The following RHBDL2 variants were observed in gnomAD, a reference collection of about 807,000 sequenced individuals.
RHBDL2 encodes rhomboid-related protein 2.
RHBDL2 carries 26 observed loss-of-function variants against 31.7 expected under a neutral mutation model. The ratio of observed to expected loss-of-function variants is 0.82; its 90% CI spans 0.60 to 1.14. RHBDL2 has a LOEUF of 1.14. Among genes scored for constraint, RHBDL2 ranks in the 50% most tolerant of loss-of-function variants. RHBDL2 has a pLI of 0.00. For synonymous variants in RHBDL2, 123 were observed against 127.2 expected (o/e 0.97, Z 0.22); for missense variants, 336 against 364.4 (o/e 0.92, Z 0.63).
At chr1:38,929,035 G>A (rs1306685454) in intron 1 of RHBDL2, among the ~76,000 whole-genome samples, 12 of 152,190 alleles carry the variant, frequency 7.9e-5, no homozygotes, top group Middle Eastern at 3.4e-3. Flanking sequence ...GGTGCCACTT[G>A]CACTCCAGCC....
intron 3 of RHBDL2, chr1:38,913,535 T>G (rs936481630): frequency 1.3e-5 from 2 of 150,530 alleles, no homozygotes; most frequent in African/African-American, 4.9e-5. Context: ...TTTTTTTTTT[T>G]GTAGAGCACT....
intron 1 of RHBDL2, among the ~76,000 whole-genome samples, chr1:38,923,164 G>A (rs1227609355): frequency 2.0e-5 from 3 of 152,116 alleles, no homozygotes; most frequent in Non-Finnish European, 4.4e-5. Flanking sequence ...AATGTATGAG[G>A]TATAAATTAA....
At chr1:38,936,328 A>T (rs1204894975) in intron 1 of RHBDL2, among the ~76,000 whole-genome samples, 1 of 151,672 alleles carries the variant, frequency 6.6e-6, no homozygotes, top group Non-Finnish European at 1.5e-5. Context: ...GGTTTTTTTG[A>T]GATGGAGTCT....
At chr1:38,917,927 G>A (rs917250797) in intron 2 of RHBDL2, among the ~76,000 whole-genome samples, 8 of 152,148 alleles carry the variant, frequency 5.3e-5, no homozygotes, top group African/African-American at 1.2e-4. Flanking sequence ...GAGTAAAGCC[G>A]ATTTCCCACC....
At chr1:38,906,082 A>C (rs536377139) in intron 4 of RHBDL2, among the ~76,000 whole-genome samples, 10 of 152,108 alleles carry the variant, frequency 6.6e-5, no homozygotes, top group African/African-American at 2.4e-4. Flanking sequence ...AAAAAAAAAA[A>C]ACTTACAGCT....
At chr1:38,898,241 T>A (rs1642944922) in intron 4 of RHBDL2, among the ~76,000 whole-genome samples, 1 of 151,954 alleles carries the variant, frequency 6.6e-6, no homozygotes, top group Non-Finnish European at 1.5e-5. Flanking sequence ...GAGGCAGAGG[T>A]TGCAGGGAGC....
chr1:38,930,984 C>G (rs1557624024), intron 1 of RHBDL2, among the ~76,000 whole-genome samples: 2 of 152,172 alleles, frequency 1.3e-5, no homozygotes, highest in Non-Finnish European at 2.9e-5. Context: ...CCACCTGCAT[C>G]AGAATCATCT....
intron 5 of RHBDL2, among the ~76,000 whole-genome samples, chr1:38,893,802 A>C (rs1406238780): frequency 1.3e-5 from 2 of 151,984 alleles, no homozygotes; most frequent in Non-Finnish European, 2.9e-5. Context: ...GCAGTGGTGC[A>C]ATCTATAGCT....
chr1:38,915,424 G>T, intron 3 of RHBDL2, 138 bp downstream of exon 3: 1 of 793,224 alleles, frequency 1.3e-6, no homozygotes. Context: ...AACAGTGGGA[G>T]CAATACCTAC....
At chr1:38,915,103 T>C (rs1465460978) in intron 3 of RHBDL2, among the ~76,000 whole-genome samples, 3 of 151,914 alleles carry the variant, frequency 2.0e-5, no homozygotes, top group Non-Finnish European at 4.4e-5. Flanking sequence ...GCTCTGCAAC[T>C]TAGCTGTGTG....
chr1:38,920,294 A>G (rs1643294894), intron 1 of RHBDL2, among the ~76,000 whole-genome samples: 1 of 150,012 alleles, frequency 6.7e-6, no homozygotes, highest in Admixed American at 6.7e-5. Context: ...CAGCCTACCA[A>G]GTAGCTGGGA....
At chr1:38,933,762 TC>T (rs1242785755) in intron 1 of RHBDL2, among the ~76,000 whole-genome samples, 2 of 150,320 alleles carry the variant, frequency 1.3e-5, no homozygotes, top group African/African-American at 2.5e-5. Flanking sequence ...AGAGTCTCGC[TC>T]TGTTGCCCAG....
intron 3 of RHBDL2, among the ~76,000 whole-genome samples, chr1:38,912,098 A>T (rs1487189789): frequency 6.6e-6 from 1 of 151,916 alleles, no homozygotes; most frequent in Non-Finnish European, 1.5e-5. Flanking sequence ...CAGCCTGCTG[A>T]GTAGCTGTGA....
At chr1:38,897,827 A>G (rs116141028) in intron 4 of RHBDL2, among the ~76,000 whole-genome samples, 3,065 of 152,274 alleles carry the variant, frequency 0.02, 99 homozygotes, top group African/African-American at 0.07. Flanking sequence ...ATGACTGAAG[A>G]TCAGTGAGAA....
intron 2 of RHBDL2, among the ~76,000 whole-genome samples, chr1:38,916,313 C>T (rs899869084): frequency 2.6e-5 from 4 of 152,200 alleles, no homozygotes; most frequent in Admixed American, 2.6e-4. Context: ...ATCAGTCAAA[C>T]CCCAGCTGGG....
At chr1:38,905,434 A>G (rs1395152281) in intron 4 of RHBDL2, among the ~76,000 whole-genome samples, 1 of 151,298 alleles carries the variant, frequency 6.6e-6, no homozygotes, top group Non-Finnish European at 1.5e-5. Flanking sequence ...GAATAAATGG[A>G]TTGGTAAAGA....
At chr1:38,890,717 T>C (rs1187393636) in intron 6 of RHBDL2, among the ~76,000 whole-genome samples, 1 of 152,028 alleles carries the variant, frequency 6.6e-6, no homozygotes, top group African/African-American at 2.4e-5. Context: ...TTTTTTTTTT[T>C]TTGAGACAAC....
intron 1 of RHBDL2, among the ~76,000 whole-genome samples, chr1:38,939,196 A>C (rs12035946): frequency 0.055 from 8,401 of 152,214 alleles, 362 homozygotes; most frequent in East Asian, 0.2. Context: ...GTGAAAGGCC[A>C]GTGTCTAGAG....
intron 4 of RHBDL2, among the ~76,000 whole-genome samples, chr1:38,898,687 A>G (rs1642948850): frequency 6.6e-6 from 1 of 152,190 alleles, no homozygotes; most frequent in Admixed American, 6.5e-5. Flanking sequence ...CTTTAAGTTG[A>G]TGAGATGAAG....
Sources: allele counts gnomAD v4.1 joint callset (sites outside exome capture counted in the v4.1 genomes callset), GRCh38; gene constraint gnomAD v4.1.1; transcripts MANE v1.5; gene names NCBI Gene and HGNC (gene_info 2026-07-23, HGNC 2026-07-21).